The following CTNNA3 variants were observed in gnomAD, a reference collection of about 807,000 sequenced individuals.
CTNNA3 encodes catenin alpha 3, also known as catenin alpha-3.
CTNNA3 carries 76 observed loss-of-function variants against 95.7 expected under a neutral mutation model. The observed-to-expected ratio is 0.79, with a 90% CI of 0.66 to 0.96. CTNNA3 has a LOEUF of 0.96. CTNNA3 is among the 40% of genes least tolerant of loss of function. CTNNA3 has a pLI of 0.00. For missense variants in CTNNA3, 1,191 were observed against 1,089.8 expected (o/e 1.09, Z -1.31); for synonymous variants, 431 against 374.4 (o/e 1.15, Z -1.74).
At chr10:66,675,878 G>A (rs2132485266) in intron 9 of CTNNA3, among the ~76,000 whole-genome samples, 1 of 152,138 alleles carries the variant, frequency 6.6e-6, no homozygotes, top group African/African-American at 2.4e-5. Flanking sequence ...ATACTATCTG[G>A]AGAAAGCAAA....
At chr10:67,730,566 A>G (rs1455753470) in intron 1 of CTNNA3, among the ~76,000 whole-genome samples, 4 of 152,180 alleles carry the variant, frequency 2.6e-5, no homozygotes, top group African/African-American at 9.7e-5. Flanking sequence ...GACATTACGG[A>G]AGAGAACTGA....
chr10:67,209,536 T>G (rs924359979), intron 6 of CTNNA3, among the ~76,000 whole-genome samples: 1 of 152,166 alleles, frequency 6.6e-6, no homozygotes, highest in Admixed American at 6.6e-5. Context: ...AAAGAGAGAA[T>G]ACACAATTTT....
chr10:67,666,092 T>C (rs1659202355), intron 1 of CTNNA3, among the ~76,000 whole-genome samples: 2 of 152,198 alleles, frequency 1.3e-5, no homozygotes, highest in Admixed American at 1.3e-4. Context: ...TCAACTTTTA[T>C]TTTAGATTCA....
chr10:66,025,154 C>T (rs1171907079), intron 15 of CTNNA3, among the ~76,000 whole-genome samples: 1 of 152,146 alleles, frequency 6.6e-6, no homozygotes, highest in Non-Finnish European at 1.5e-5. Context: ...TGCATTTGTC[C>T]ACCATTGCAG....
intron 12 of CTNNA3, among the ~76,000 whole-genome samples, chr10:66,361,464 CTCTTTCTT>C (rs58098515): frequency 1.4e-5 from 2 of 143,712 alleles, no homozygotes; most frequent in East Asian, 2.1e-4. Flanking sequence ...CTTTATCTTT[CTCTTTCTT>C]TCTTTCTATT....
chr10:65,968,941 A>G (rs777120680), intron 16 of CTNNA3, among the ~76,000 whole-genome samples: 10 of 152,204 alleles, frequency 6.6e-5, no homozygotes, highest in Non-Finnish European at 1.5e-4. Flanking sequence ...GGACCTGCCC[A>G]TCTTGCTCCC....
chr10:66,189,617 T>TATATATATATATACAC (rs151078010), intron 13 of CTNNA3, among the ~76,000 whole-genome samples: 105 of 140,364 alleles, frequency 7.5e-4, no homozygotes, highest in African/African-American at 2.8e-3. Flanking sequence ...TATATATATA[T>TATATATATATATACAC]ACACACATAC....
At chr10:66,673,723 T>C (rs1401918835) in intron 9 of CTNNA3, among the ~76,000 whole-genome samples, 1 of 152,052 alleles carries the variant, frequency 6.6e-6, no homozygotes, top group Non-Finnish European at 1.5e-5. Flanking sequence ...ATATGGGCCT[T>C]ATTATATTCA....
chr10:67,370,060 A>G (rs1318625910), intron 5 of CTNNA3, among the ~76,000 whole-genome samples: 1 of 152,176 alleles, frequency 6.6e-6, no homozygotes, highest in East Asian at 1.9e-4. Context: ...GTATGTGTGT[A>G]TATATATAGT....
At chr10:66,074,562 T>A (rs182872653) in intron 14 of CTNNA3, among the ~76,000 whole-genome samples, 27 of 151,970 alleles carry the variant, frequency 1.8e-4, no homozygotes, top group African/African-American at 6.3e-4. Flanking sequence ...TTCCCCCAAT[T>A]TGTTGGTCCA....
intron 7 of CTNNA3, among the ~76,000 whole-genome samples, chr10:66,787,931 T>C (rs1840813484): frequency 6.6e-6 from 1 of 152,164 alleles, no homozygotes; most frequent in South Asian, 2.1e-4. Context: ...CTAAATACTG[T>C]CTATGCAAAA....
At chr10:65,980,958 T>C (rs544860101) in intron 16 of CTNNA3, among the ~76,000 whole-genome samples, 1 of 151,998 alleles carries the variant, frequency 6.6e-6, no homozygotes, top group East Asian at 1.9e-4. Flanking sequence ...ACTTTCACCG[T>C]TTGTATTCAA....
chr10:66,875,844 A>G (rs961859237), intron 7 of CTNNA3, among the ~76,000 whole-genome samples: 5 of 152,130 alleles, frequency 3.3e-5, no homozygotes, highest in Non-Finnish European at 7.3e-5. Context: ...AAGACACCCT[A>G]TGGATTAAAA....
At chr10:67,387,292 G>A (rs1190295531) in intron 5 of CTNNA3, among the ~76,000 whole-genome samples, 2 of 152,182 alleles carry the variant, frequency 1.3e-5, no homozygotes, top group Admixed American at 6.5e-5. Context: ...AAAGAAAGGG[G>A]TGACGGACGG....
chr10:66,750,280 A>G (rs1397439137), intron 9 of CTNNA3, among the ~76,000 whole-genome samples: 1 of 152,194 alleles, frequency 6.6e-6, no homozygotes, highest in Admixed American at 6.5e-5. Flanking sequence ...GTATCTAAAA[A>G]GTTGTTGCCA....
chr10:65,949,031 G>A (rs1192359307), intron 17 of CTNNA3, among the ~76,000 whole-genome samples: 1 of 151,994 alleles, frequency 6.6e-6, no homozygotes, highest in Non-Finnish European at 1.5e-5. Flanking sequence ...TTCTGAAACT[G>A]TTGTAATTTT....
chr10:67,523,666 A>T (rs908582266), intron 4 of CTNNA3, among the ~76,000 whole-genome samples: 61 of 152,212 alleles, frequency 4.0e-4, no homozygotes, highest in Admixed American at 1.2e-3. Context: ...GCCCCAAAGG[A>T]CAGGAAGTCT....
intron 10 of CTNNA3, among the ~76,000 whole-genome samples, chr10:66,594,887 C>T (rs1315244548): frequency 6.6e-6 from 1 of 152,022 alleles, no homozygotes; most frequent in Admixed American, 6.5e-5. Flanking sequence ...ATAATAATAT[C>T]TGCCATATAA....
At position 67,180,377 on chromosome 10, in the gene CTNNA3, G is replaced by A. The variant is rs372427902; in HGVS notation, c.987C>T (p.Ile329=). The A allele has an allele frequency of 2.3e-5, 37 of 1,613,690 alleles. No homozygotes were observed. The highest frequency in any genetic ancestry group is 2.2e-4 in the East Asian group (10 of 44,868). ...CCTGGCGAATGGCGTTGCATTCTGC[G>A]ATAATCCGCTCTCGGTGTAAGTCCC... ...CTRDLHRERI[I]AECNAIRQAL... The change falls in exon 7 of 18, where the codon ATC becomes ATT. Residue 329 remains isoleucine (I), a synonymous_variant. Transcript: ENST00000433211.
Sources: gnomAD v4.1 joint callset for allele counts (sites outside exome capture counted in the v4.1 genomes callset) on GRCh38, gnomAD v4.1.1 for gene constraint, MANE v1.5 for transcripts, NCBI Gene and HGNC (gene_info 2026-07-23, HGNC 2026-07-21) for gene names.